The following STON2 variants were observed in gnomAD, a reference collection of about 807,000 sequenced individuals.
The protein encoded by STON2 is stonin 2.
Under a neutral mutation model 65.7 loss-of-function variants are expected in STON2, and 29 were observed. The ratio of observed to expected loss-of-function variants is 0.44; its 90% CI spans 0.33 to 0.60. The LOEUF is 0.60. Among genes scored for constraint, STON2 ranks in the 20% least tolerant of loss-of-function variants. The pLI is 0.03. For synonymous variants in STON2, 404 were observed against 414.2 expected, an observed-to-expected ratio of 0.98 and a Z score of 0.30; for missense variants, 1,054 against 1,118.1, an observed-to-expected ratio of 0.94 and a Z score of 0.82.
chr14:81,333,487 G>T, intron 4 of STON2: 1 of 256,638 alleles, frequency 3.9e-6, no homozygotes, highest in Non-Finnish European at 7.5e-6. Context: ...TGCTGACGAA[G>T]AAAACAAAGC....
chr14:81,333,094 T>C, intron 4 of STON2: 1 of 886,414 alleles, frequency 1.1e-6, no homozygotes, highest in South Asian at 1.4e-5. Flanking sequence ...AAGTCTATGT[T>C]TGGATTCATA....
chr14:81,364,072 C>A (rs1898613923), intron 4 of STON2, among the ~76,000 whole-genome samples: 1 of 152,186 alleles, frequency 6.6e-6, no homozygotes, highest in African/African-American at 2.4e-5. Context: ...TCTCTACTCA[C>A]TTTGGGAAAT....
At chr14:81,347,615 TAAAAAAAAAAAA>T (rs55784716) in intron 4 of STON2, among the ~76,000 whole-genome samples, 3 of 72,596 alleles carry the variant, frequency 4.1e-5, no homozygotes, top group South Asian at 1.2e-3. Flanking sequence ...AAGAAGACAG[TAAAAAAAAAAAA>T]AAAAAAAAAA....
rs550445471 is a variant in STON2 at position 81,432,011 on chromosome 14, C to T, written c.-310+4310G>A. ...TCATACCCCGATGGATAATTCTGCA[C>T]TCATCCTACCTTCAAACAAATATTC... On this transcript the variant is annotated intron_variant, in intron 1 of 8. Transcript: ENST00000553821. Among the ~76,000 whole-genome samples the T allele has an allele frequency of 2.0e-5, 3 of 152,282 alleles. No individual in the cohort carries two copies. In the East Asian group the frequency reaches 5.8e-4, roughly 29 times the overall value.
intron 5 of STON2, among the ~76,000 whole-genome samples, chr14:81,303,188 C>T (rs548904865): frequency 5.9e-5 from 9 of 152,112 alleles, no homozygotes; most frequent in Admixed American, 2.6e-4. Flanking sequence ...GGAAAAGTAG[C>T]TTTCAGAAGA....
intron 5 of STON2, among the ~76,000 whole-genome samples, chr14:81,321,802 G>A (rs541303319): frequency 1.3e-5 from 2 of 152,206 alleles, no homozygotes; most frequent in East Asian, 3.9e-4. Flanking sequence ...TCTGAGCTAA[G>A]GATTCTGGGA....
At position 81,277,846 on chromosome 14, in the gene STON2, T is replaced by C. The variant is rs769543776; in HGVS notation, c.1636A>G (p.Asn546Asp). 5.0e-6 allele frequency: 8 copies of C among 1,614,180 alleles called. No homozygotes were observed. The highest frequency in any genetic ancestry group is 6.8e-6 in the Non-Finnish European group (8 of 1,180,034). ...TGGATTCTGCCATTCTCATCATAGTTTTGAAGCCGGGGTTCTGAAATCTCA... is the reference window on the plus strand; with the variant it reads ...TGGATTCTGCCATTCTCATCATAGTCTTGAAGCCGGGGTTCTGAAATCTCA... ...CHEISEPRLQ[N>D]YDENGRIHSL... Residue 546 changes from asparagine (N) to aspartate (D), a missense_variant, in exon 6 of 8, where the codon AAC becomes GAC. Physicochemically the swap from Asn to Asp is conservative, Grantham distance 23. Transcript: ENST00000614646.
chr14:81,314,374 C>G (rs1896545497), intron 5 of STON2, among the ~76,000 whole-genome samples: 1 of 152,152 alleles, frequency 6.6e-6, no homozygotes, highest in African/African-American at 2.4e-5. Flanking sequence ...TTCAAATGGT[C>G]TATAGTGGGA....
At chr14:81,337,220 T>G (rs530846135) in intron 4 of STON2, among the ~76,000 whole-genome samples, 1 of 152,322 alleles carries the variant, frequency 6.6e-6, no homozygotes, top group Non-Finnish European at 1.5e-5. Flanking sequence ...TATACTACTA[T>G]GGGTAACATG....
intron 5 of STON2, among the ~76,000 whole-genome samples, chr14:81,287,160 T>TA (rs1344916934): frequency 6.6e-6 from 1 of 152,180 alleles, no homozygotes; most frequent in Admixed American, 6.5e-5. Flanking sequence ...ATCAAGCTTA[T>TA]CAAGGGAGCT....
intron 4 of STON2, among the ~76,000 whole-genome samples, chr14:81,326,260 G>A (rs771780341): frequency 6.6e-6 from 1 of 152,156 alleles, no homozygotes; most frequent in South Asian, 2.1e-4. Flanking sequence ...TCTGTTCCAA[G>A]ACCTCATGTT....
Position 81,268,404 on chromosome 14 carries a change from C to T in STON2, c.*10G>A. 7.8e-7 allele frequency: 1 copy of T among 1,289,408 alleles called. No individual in the cohort carries two copies. Among genetic ancestry groups the T allele is most frequent in the South Asian group, 1.2e-5 (1 of 80,948 alleles). 79.9% of individuals were successfully genotyped at this position (1,289,408 alleles called of 1,614,324 possible). On this transcript the variant is annotated 3_prime_UTR_variant, in exon 8 of 8. Transcript: ENST00000614646. ...ACTCTGGGATCAGGATTCCTTGCCG[C>T]AAGGCTTTGTCACTGCACTCCACAC...
chr14:81,351,265 T>C (rs1007615264), intron 4 of STON2, among the ~76,000 whole-genome samples: 4 of 151,546 alleles, frequency 2.6e-5, no homozygotes, highest in African/African-American at 7.3e-5. Context: ...ACAAAATTCA[T>C]TGGACACCTC....
rs1164145660 is a variant in STON2 at position 81,267,610 on chromosome 14, T to C, written c.*804A>G. On this transcript the variant is annotated 3_prime_UTR_variant, in exon 8 of 8. Coordinates refer to ENST00000614646, the MANE Select transcript of STON2 (RefSeq NM_001394390.1). ...ATTCACTGAGATTGAATCTACCTCTTGAACTGAACATCATCTTATATTTAA... is the reference window on the plus strand; with the variant it reads ...ATTCACTGAGATTGAATCTACCTCTCGAACTGAACATCATCTTATATTTAA... The C allele has an allele frequency of 1.0e-6, 1 of 985,286 alleles. No homozygotes were observed. Among genetic ancestry groups the C allele is most frequent in the Non-Finnish European group, 1.2e-6 (1 of 829,916 alleles). The allele number at this position is 985,286 out of a possible 1,614,324, so 61.0% of individuals were successfully genotyped here. A position where few individuals can be genotyped will look rare whatever the true frequency, so the allele number is the denominator to read the frequency against.
At chr14:81,275,135 T>TATAATA (rs376681889) in intron 6 of STON2, among the ~76,000 whole-genome samples, 8 of 151,628 alleles carry the variant, frequency 5.3e-5, no homozygotes, top group African/African-American at 7.3e-5. Context: ...CTTTGTTGCT[T>TATAATA]ATAATAATAA....
chr14:81,337,662 A>C (rs1401461844), intron 4 of STON2, among the ~76,000 whole-genome samples: 1 of 152,190 alleles, frequency 6.6e-6, no homozygotes, highest in Non-Finnish European at 1.5e-5. Flanking sequence ...GGGAACAGCA[A>C]GAGAAAAAGC....
intron 4 of STON2, among the ~76,000 whole-genome samples, chr14:81,346,378 A>G (rs1897810064): frequency 6.6e-6 from 1 of 152,166 alleles, no homozygotes; most frequent in South Asian, 2.1e-4. Flanking sequence ...TCAAGGAATT[A>G]CAAAGACCCA....
At chr14:81,275,784 G>A (rs1002775076) in intron 6 of STON2, among the ~76,000 whole-genome samples, 4 of 152,122 alleles carry the variant, frequency 2.6e-5, no homozygotes, top group South Asian at 2.1e-4. Context: ...GAGCTGGCCC[G>A]ATTATACTGC....
At chr14:81,399,990 CA>C (rs1220944959) in intron 1 of STON2, among the ~76,000 whole-genome samples, 3 of 152,166 alleles carry the variant, frequency 2.0e-5, no homozygotes, top group African/African-American at 7.2e-5. Flanking sequence ...CTTCTGCAGC[CA>C]AAACACTCTA....
Sources: gnomAD v4.1 joint callset for allele counts (sites outside exome capture counted in the v4.1 genomes callset) on GRCh38, gnomAD v4.1.1 for gene constraint, MANE v1.5 for transcripts, NCBI Gene and HGNC (gene_info 2026-07-23, HGNC 2026-07-21) for gene names.